LDLRAD3: variants seen among roughly 807,000 people sequenced by gnomAD.
LDLRAD3 encodes the protein low-density lipoprotein receptor class A domain-containing protein 3.
Under a neutral mutation model 29.4 loss-of-function variants are expected in LDLRAD3, and 20 were observed. The observed-to-expected ratio is 0.68, with a 90% CI of 0.48 to 0.99. LDLRAD3 has a LOEUF of 0.99. Among genes scored for constraint, LDLRAD3 ranks in the 50% least tolerant of loss-of-function variants. The probability of loss-of-function intolerance (pLI) is 0.00; values close to 1 mark genes in which losing one functional copy is unlikely to be tolerated. For missense variants in LDLRAD3, 420 were observed against 454.3 expected, an observed-to-expected ratio of 0.92 and a Z score of 0.69; for synonymous variants, 157 against 192.7, an observed-to-expected ratio of 0.81 and a Z score of 1.53.
chr11:36,201,077 G>A (rs1855120700), intron 4 of LDLRAD3, among the ~76,000 whole-genome samples: 1 of 152,218 alleles, frequency 6.6e-6, no homozygotes, highest in Non-Finnish European at 1.5e-5. Flanking sequence ...CCAGATTGCA[G>A]TTGGGTCCTG....
chr11:36,040,109 C>T (rs560202619), intron 2 of LDLRAD3, among the ~76,000 whole-genome samples: 3 of 152,174 alleles, frequency 2.0e-5, no homozygotes, highest in South Asian at 4.2e-4. Flanking sequence ...GTTCTCGCCT[C>T]GGAGAGGTGA....
chr11:36,205,415 G>A (rs1430453871), intron 4 of LDLRAD3, among the ~76,000 whole-genome samples: 1 of 152,176 alleles, frequency 6.6e-6, no homozygotes, highest in Non-Finnish European at 1.5e-5. Context: ...TTGTCTTGGT[G>A]TCCCTGATGA....
intron 1 of LDLRAD3, among the ~76,000 whole-genome samples, chr11:36,017,559 C>T (rs574816601): frequency 2.2e-4 from 33 of 148,078 alleles, no homozygotes; most frequent in Non-Finnish European, 4.3e-4. Context: ...TTTTGAGTCT[C>T]GCTCTGTTCT....
intron 2 of LDLRAD3, among the ~76,000 whole-genome samples, chr11:36,040,697 A>T (rs1250933506): frequency 6.6e-6 from 1 of 152,164 alleles, no homozygotes; most frequent in East Asian, 1.9e-4. Context: ...AAATTCTCAG[A>T]ATTAAAATTA....
intron 4 of LDLRAD3, among the ~76,000 whole-genome samples, chr11:36,194,363 C>G (rs1397671650): frequency 6.6e-6 from 1 of 152,228 alleles, no homozygotes; most frequent in Non-Finnish European, 1.5e-5. Flanking sequence ...CAAAGCCCAT[C>G]ACCTAGCCAG....
intron 2 of LDLRAD3, among the ~76,000 whole-genome samples, chr11:36,079,951 A>G (rs1360889483): frequency 1.3e-5 from 2 of 152,198 alleles, no homozygotes; most frequent in South Asian, 2.1e-4. Context: ...GACTGTCCAG[A>G]GTTTATGCTT....
chr11:36,121,389 A>G (rs1294502402), intron 4 of LDLRAD3, among the ~76,000 whole-genome samples: 6 of 152,000 alleles, frequency 3.9e-5, no homozygotes, highest in African/African-American at 1.5e-4. Context: ...GCTGGAATAT[A>G]AATGAAGAGC....
At chr11:36,105,711 AG>A (rs1853519520) in intron 4 of LDLRAD3, among the ~76,000 whole-genome samples, 1 of 152,154 alleles carries the variant, frequency 6.6e-6, no homozygotes, top group Non-Finnish European at 1.5e-5. Flanking sequence ...AAGCCAGGAG[AG>A]AGGCTCGGAA....
chr11:36,183,503 T>C (rs1361664214), intron 4 of LDLRAD3, among the ~76,000 whole-genome samples: 1 of 152,166 alleles, frequency 6.6e-6, no homozygotes, highest in Admixed American at 6.5e-5. Flanking sequence ...CAGTGAAGGG[T>C]GAAAAACTTA....
chr11:36,181,790 A>G (rs1854767359), intron 4 of LDLRAD3, among the ~76,000 whole-genome samples: 1 of 152,228 alleles, frequency 6.6e-6, no homozygotes, highest in African/African-American at 2.4e-5. Context: ...GTTGGATAAC[A>G]TTTTGAAAAT....
At chr11:36,135,815 C>T (rs1355483573) in intron 4 of LDLRAD3, among the ~76,000 whole-genome samples, 3 of 152,104 alleles carry the variant, frequency 2.0e-5, no homozygotes, top group Non-Finnish European at 4.4e-5. Flanking sequence ...GAGGCTGAGG[C>T]AGGAGAATCG....
At chr11:36,120,722 T>G (rs748465552) in intron 4 of LDLRAD3, among the ~76,000 whole-genome samples, 5 of 152,194 alleles carry the variant, frequency 3.3e-5, no homozygotes, top group Non-Finnish European at 7.3e-5. Context: ...CTAAACTGCC[T>G]GCTGTGGGTC....
chr11:35,995,230 A>G (rs1482756380), intron 1 of LDLRAD3, among the ~76,000 whole-genome samples: 1 of 152,236 alleles, frequency 6.6e-6, no homozygotes, highest in Non-Finnish European at 1.5e-5. Flanking sequence ...TGACTCTTTG[A>G]TCCCTGGGCT....
chr11:36,229,640 T>A lies in LDLRAD3; in HGVS notation c.*243T>A. The A allele has an allele frequency of 1.7e-5, 8 of 480,226 alleles. No individual in the cohort carries two copies. The highest frequency in any genetic ancestry group is 4.5e-5 in the South Asian group (1 of 22,394). The allele number at this position is 480,226 out of a possible 1,614,324, so 29.7% of individuals were successfully genotyped here. A position where few individuals can be genotyped will look rare whatever the true frequency, so the allele number is the denominator to read the frequency against. On this transcript the variant is annotated 3_prime_UTR_variant, in exon 6 of 6. Coordinates refer to ENST00000315571, the MANE Select transcript of LDLRAD3 (RefSeq NM_174902.4). ...GTCACTCTTCCCTTGGGACCCGAGA[T>A]CACACCCTCATTTTTCACATTATTC... is the stretch of plus-strand genomic sequence containing the variant.
intron 1 of LDLRAD3, among the ~76,000 whole-genome samples, chr11:36,005,011 A>G (rs1348178472): frequency 6.6e-6 from 1 of 152,110 alleles, no homozygotes; most frequent in African/African-American, 2.4e-5. Flanking sequence ...CTGGCCTGTG[A>G]TGGGAGGGGC....
intron 1 of LDLRAD3, among the ~76,000 whole-genome samples, chr11:35,972,242 A>G (rs1303464275): frequency 6.6e-6 from 1 of 152,126 alleles, no homozygotes; most frequent in Admixed American, 6.6e-5. Flanking sequence ...AAGAAGGGGA[A>G]TCACCAGACC....
chr11:36,038,971 C>CT (rs67593168), intron 2 of LDLRAD3, among the ~76,000 whole-genome samples: 3,635 of 102,448 alleles, frequency 0.035, 153 homozygotes, highest in African/African-American at 0.087. Context: ...AAATTTCTTT[C>CT]TTTTTTTTTT....
At chr11:36,109,744 A>C (rs1220911885) in intron 4 of LDLRAD3, among the ~76,000 whole-genome samples, 2 of 107,148 alleles carry the variant, frequency 1.9e-5, no homozygotes, top group Non-Finnish European at 4.3e-5. Context: ...GGATGGAAAA[A>C]GCTTTATATT....
chr11:36,220,123 AAGTGGTAT>A (rs1450250022), intron 4 of LDLRAD3, among the ~76,000 whole-genome samples: 30 of 152,344 alleles, frequency 2.0e-4, no homozygotes, highest in African/African-American at 7.2e-4. Context: ...AAGAGGTTTT[AAGTGGTAT>A]CAATAAGATA....
Sources: gnomAD v4.1 joint callset for allele counts (sites outside exome capture counted in the v4.1 genomes callset) on GRCh38, gnomAD v4.1.1 for gene constraint, MANE v1.5 for transcripts, NCBI Gene and HGNC (gene_info 2026-07-23, HGNC 2026-07-21) for gene names.